The following BMPER variants were observed in gnomAD, a reference collection of about 807,000 sequenced individuals.
BMPER encodes the protein BMP-binding endothelial regulator protein.
Under a neutral mutation model 87.3 loss-of-function variants are expected in BMPER, and 45 were observed. The ratio of observed to expected loss-of-function variants is 0.52; its 90% confidence interval spans 0.41 to 0.66. The LOEUF (loss-of-function observed/expected upper bound fraction) is 0.66, where lower values mean the gene tolerates loss of function less well. Among genes scored for constraint, BMPER ranks in the 30% least tolerant of loss-of-function variants. The pLI is 0.00. For missense variants in BMPER, 784 were observed against 867.5 expected, an observed-to-expected ratio of 0.90 and a Z score of 1.21; for synonymous variants, 326 against 316.2, an observed-to-expected ratio of 1.03 and a Z score of -0.33.
chr7:33,970,130 A>C (rs1011103911), intron 4 of BMPER, among the ~76,000 whole-genome samples, 199 bp from the exon 5 acceptor site: 6 of 152,226 alleles, frequency 3.9e-5, no homozygotes, highest in African/African-American at 1.4e-4. Context: ...AAGAGGTGAC[A>C]GATTTGCACT....
chr7:33,974,641 T>C (rs768636599), intron 5 of BMPER, 61 bp from the exon 6 acceptor site: 16 of 1,504,180 alleles, frequency 1.1e-5, no homozygotes, highest in Non-Finnish European at 1.5e-5. Context: ...GATAGAAGGA[T>C]TGTGTCAGGT....
chr7:33,955,140 G>A (rs1331577147), intron 3 of BMPER, among the ~76,000 whole-genome samples: 2 of 152,118 alleles, frequency 1.3e-5, no homozygotes, highest in Non-Finnish European at 2.9e-5. Flanking sequence ...CAGGTGATTT[G>A]CCTACCTCAG....
At chr7:34,051,328 T>A (rs994985914) in intron 7 of BMPER, among the ~76,000 whole-genome samples, 2 of 152,190 alleles carry the variant, frequency 1.3e-5, no homozygotes, top group South Asian at 2.1e-4. Context: ...TTTTGCTCAT[T>A]CGAGACCTTC....
intron 2 of BMPER, among the ~76,000 whole-genome samples, chr7:33,935,133 A>C (rs920521405): frequency 1.3e-5 from 2 of 152,206 alleles, no homozygotes; most frequent in Non-Finnish European, 2.9e-5. Context: ...AAATTATAAA[A>C]ATAAATCTAA....
intron 12 of BMPER, among the ~76,000 whole-genome samples, chr7:34,081,264 T>A (rs116388983): frequency 6.6e-5 from 10 of 152,262 alleles, no homozygotes; most frequent in African/African-American, 2.4e-4. Context: ...CTATTGATTA[T>A]GTATTTGAAA....
intron 2 of BMPER, among the ~76,000 whole-genome samples, chr7:33,920,561 G>GA (rs1190847249): frequency 7.9e-5 from 12 of 151,632 alleles, no homozygotes; most frequent in Non-Finnish European, 1.8e-4. Context: ...GAGAAGCTGG[G>GA]ATTACAGGTG....
chr7:34,048,406 G>C (rs1021458193), intron 7 of BMPER, among the ~76,000 whole-genome samples: 13 of 152,090 alleles, frequency 8.5e-5, no homozygotes, highest in Non-Finnish European at 1.5e-4. Flanking sequence ...GAACAAAGCA[G>C]AATTGCTTAG....
At chr7:34,133,111 G>C (rs111911198) in intron 13 of BMPER, among the ~76,000 whole-genome samples, 1,971 of 152,216 alleles carry the variant, frequency 0.013, 39 homozygotes, top group African/African-American at 0.044. Flanking sequence ...TTGGTGATAG[G>C]AGCATCTTTT....
chr7:34,024,376 AAAAAAACAATAT>A (rs1787286952), intron 6 of BMPER, among the ~76,000 whole-genome samples: 2 of 97,280 alleles, frequency 2.1e-5, no homozygotes, highest in African/African-American at 1.0e-4. Flanking sequence ...AAAAAAAAAA[AAAAAAACAATAT>A]ATATATATAT....
intron 3 of BMPER, among the ~76,000 whole-genome samples, chr7:33,941,504 A>C (rs911636379): frequency 1.3e-5 from 2 of 152,126 alleles, no homozygotes; most frequent in African/African-American, 4.8e-5. Context: ...CATAATGTAG[A>C]ATCACTGAGA....
rs532127958 is a variant in BMPER at position 33,911,285 on chromosome 7, C to T, written c.219+4382C>T. Among the ~76,000 whole-genome samples the T allele has an allele frequency of 4.9e-4, 74 of 152,342 alleles. 1 individual carries two copies. The South Asian group carries it at 0.015, about 31-fold the overall frequency. ...AAAGACTAGTTCTGAGAGTTATTCT[C>T]GTCCATGCTTTATTCAGGCTCAGAG... On this transcript the variant is annotated intron_variant, in intron 2 of 14. Coordinates refer to ENST00000649409, the MANE Select transcript of BMPER (RefSeq NM_001365308.1).
intron 13 of BMPER, among the ~76,000 whole-genome samples, chr7:34,095,364 T>G (rs1194426249): frequency 6.6e-6 from 1 of 152,228 alleles, no homozygotes; most frequent in African/African-American, 2.4e-5. Flanking sequence ...GAGTATAATT[T>G]AATTTTATGT....
chr7:34,003,180 TACACACAC>T (rs568097275), intron 6 of BMPER, among the ~76,000 whole-genome samples: 4 of 151,438 alleles, frequency 2.6e-5, no homozygotes, highest in Admixed American at 1.3e-4. Flanking sequence ...TAAATGTGTG[TACACACAC>T]ACACATATAT....
At chr7:33,996,566 A>G (rs1275313368) in intron 6 of BMPER, among the ~76,000 whole-genome samples, 4 of 152,218 alleles carry the variant, frequency 2.6e-5, no homozygotes, top group African/African-American at 9.6e-5. Flanking sequence ...TTCAGTAAGT[A>G]GTGACTGCAC....
intron 3 of BMPER, among the ~76,000 whole-genome samples, chr7:33,947,991 T>C (rs1784927946): frequency 6.6e-6 from 1 of 152,204 alleles, no homozygotes; most frequent in Non-Finnish European, 1.5e-5. Context: ...GTTTTATTGT[T>C]GAAATGTTTT....
chr7:33,933,675 G>A (rs1263673290), intron 2 of BMPER, among the ~76,000 whole-genome samples: 2 of 152,134 alleles, frequency 1.3e-5, no homozygotes, highest in African/African-American at 4.8e-5. Flanking sequence ...ACCTTCCCAT[G>A]GTTGGCCATG....
At chr7:34,125,075 A>G (rs982000307) in intron 13 of BMPER, among the ~76,000 whole-genome samples, 5 of 151,262 alleles carry the variant, frequency 3.3e-5, no homozygotes, top group East Asian at 1.9e-4. Flanking sequence ...TATGTTTTAT[A>G]TGGTATTTTT....
At chr7:34,085,712 C>A in intron 12 of BMPER, 44 bp from the exon 13 acceptor site, 1 of 1,516,164 alleles carries the variant, frequency 6.6e-7, no homozygotes, top group South Asian at 1.2e-5. Context: ...ATTATTAGTG[C>A]GTTAATGAGT....
intron 11 of BMPER, among the ~76,000 whole-genome samples, chr7:34,076,680 G>A (rs542222699): frequency 1.3e-4 from 20 of 152,246 alleles, no homozygotes; most frequent in East Asian, 1.2e-3. Flanking sequence ...GTAGAAGAGC[G>A]TTAGGGTATG....
Sources: allele counts gnomAD v4.1 joint callset (sites outside exome capture counted in the v4.1 genomes callset), GRCh38; gene constraint gnomAD v4.1.1; transcripts MANE v1.5; gene names NCBI Gene and HGNC (gene_info 2026-07-23, HGNC 2026-07-21).